Variants in ACVR1 observed in about 807,000 individuals in gnomAD.
The protein encoded by ACVR1 is activin receptor type-1.
A neutral mutation model predicts 57.1 loss-of-function variants in ACVR1; 38 were observed. The ratio of observed to expected loss-of-function variants is 0.67; its 90% CI spans 0.51 to 0.87. ACVR1 has a LOEUF of 0.87. Ranked by LOEUF, ACVR1 falls within the 40% of genes least tolerant of loss-of-function variation. The pLI is 0.00. For missense variants in ACVR1, 463 were observed against 638.2 expected (o/e 0.73, Z 2.96); for synonymous variants, 212 against 228.1 (o/e 0.93, Z 0.63).
intron 9 of ACVR1, among the ~76,000 whole-genome samples, chr2:157,754,846 T>G (rs1413318534): frequency 1.3e-5 from 2 of 152,048 alleles, no homozygotes; most frequent in Non-Finnish European, 2.9e-5. Flanking sequence ...TGAACATAGA[T>G]GCAAACATCC....
chr2:157,780,761 C>T (rs1363473808), intron 3 of ACVR1, among the ~76,000 whole-genome samples, 161 bp from the exon 4 acceptor site: 1 of 152,162 alleles, frequency 6.6e-6, no homozygotes, highest in Non-Finnish European at 1.5e-5. Flanking sequence ...CACCTTGTCA[C>T]CTAACCAACC....
intron 6 of ACVR1, among the ~76,000 whole-genome samples, chr2:157,772,245 T>C (rs549317450): frequency 7.1e-4 from 108 of 152,338 alleles, no homozygotes; most frequent in Non-Finnish European, 1.0e-3. Flanking sequence ...CCAAAAGCCC[T>C]GGCCATGGAG....
At chr2:157,856,098 T>A (rs1217187533) in intron 1 of ACVR1, among the ~76,000 whole-genome samples, 1 of 152,114 alleles carries the variant, frequency 6.6e-6, no homozygotes, top group Non-Finnish European at 1.5e-5. Flanking sequence ...GACAAGACTC[T>A]ACGAGACAGA....
chr2:157,792,728 G>T (rs528917460), intron 3 of ACVR1, among the ~76,000 whole-genome samples: 8 of 152,168 alleles, frequency 5.3e-5, no homozygotes, highest in Non-Finnish European at 1.2e-4. Context: ...AATTTAAAAA[G>T]ACAAGAAATA....
chr2:157,742,993 T>C (rs1474352979), intron 9 of ACVR1, among the ~76,000 whole-genome samples: 2 of 152,112 alleles, frequency 1.3e-5, no homozygotes, highest in Non-Finnish European at 2.9e-5. Flanking sequence ...GTGCCGTCCA[T>C]GGGAGCCCAC....
intron 9 of ACVR1, among the ~76,000 whole-genome samples, chr2:157,742,183 A>G (rs1461889047): frequency 6.6e-6 from 1 of 152,234 alleles, no homozygotes; most frequent in Non-Finnish European, 1.5e-5. Flanking sequence ...CCAGAAAGCG[A>G]TAATCAGCGT....
intron 3 of ACVR1, among the ~76,000 whole-genome samples, chr2:157,793,731 A>T (rs1304308363): frequency 6.6e-6 from 1 of 152,176 alleles, no homozygotes; most frequent in Non-Finnish European, 1.5e-5. Flanking sequence ...CCATTCATTC[A>T]CCCCTTCAAG....
intron 3 of ACVR1, among the ~76,000 whole-genome samples, chr2:157,790,651 T>C (rs2105294262): frequency 6.6e-6 from 1 of 152,342 alleles, no homozygotes; most frequent in Admixed American, 6.5e-5. Context: ...ACGTTCGCAC[T>C]AAGGCTTTGT....
At chr2:157,872,495 T>TGAA (rs1690143656) in intron 1 of ACVR1, among the ~76,000 whole-genome samples, 1 of 152,160 alleles carries the variant, frequency 6.6e-6, no homozygotes, top group African/African-American at 2.4e-5. Context: ...TACAGCCAGG[T>TGAA]GAAACCTCAC....
chr2:157,872,656 G>C (rs377013204), intron 1 of ACVR1, among the ~76,000 whole-genome samples: 2 of 152,214 alleles, frequency 1.3e-5, no homozygotes, highest in African/African-American at 4.8e-5. Flanking sequence ...CGATCAGCCA[G>C]TAGTTACTGT....
At chr2:157,792,572 A>G (rs577692467) in intron 3 of ACVR1, among the ~76,000 whole-genome samples, 1 of 152,352 alleles carries the variant, frequency 6.6e-6, no homozygotes, top group African/African-American at 2.4e-5. Context: ...CAGTAGGAAC[A>G]CCTGCACAGT....
chr2:157,747,662 G>T (rs555480067), intron 9 of ACVR1, among the ~76,000 whole-genome samples: 1 of 152,180 alleles, frequency 6.6e-6, no homozygotes, highest in East Asian at 1.9e-4. Flanking sequence ...TGTTTTGGGA[G>T]AGTAATAATT....
In ACVR1 at chr2:157,766,174, T is replaced by C; in HGVS notation, c.813A>G (p.Thr271=). The change falls in exon 8 of 11, where the codon ACA becomes ACG. Residue 271 remains threonine, a synonymous_variant. Transcript: ENST00000434821. The stretch of plus-strand genomic sequence containing the variant: ...ACAGCTGGGTACTGGAGTGTCTTGA[T>C]GTCATGTCTGAAGCAATGAAACCTG... ...NILGFIASDM[T]SRHSSTQLWL... 1.2e-6 allele frequency: 2 copies of C among 1,614,170 alleles called. No homozygotes were observed. Among genetic ancestry groups the C allele is most frequent in the East Asian group, 2.2e-5 (1 of 44,870 alleles).
intron 3 of ACVR1, among the ~76,000 whole-genome samples, chr2:157,791,637 G>A (rs1278723678): frequency 1.3e-5 from 2 of 152,160 alleles, no homozygotes; most frequent in African/African-American, 4.8e-5. Flanking sequence ...CAAGCACAGA[G>A]AGGCGAAGGA....
At chr2:157,768,988 G>A (rs1001924316) in intron 7 of ACVR1, among the ~76,000 whole-genome samples, 6 of 152,214 alleles carry the variant, frequency 3.9e-5, no homozygotes, top group East Asian at 1.9e-4. Flanking sequence ...TGTGGTAAGA[G>A]TTAGAGCAGA....
chr2:157,754,105 A>C (rs1685322137), intron 9 of ACVR1, among the ~76,000 whole-genome samples: 1 of 152,216 alleles, frequency 6.6e-6, no homozygotes, highest in Non-Finnish European at 1.5e-5. Context: ...GAATACAGCA[A>C]AGGTAGTGCT....
intron 1 of ACVR1, among the ~76,000 whole-genome samples, chr2:157,843,852 C>G (rs1191896560): frequency 6.6e-6 from 1 of 152,108 alleles, no homozygotes; most frequent in Non-Finnish European, 1.5e-5. Flanking sequence ...GGCTGAAAAT[C>G]AGTCACCTTC....
At chr2:157,868,199 C>T (rs1183176377) in intron 1 of ACVR1, among the ~76,000 whole-genome samples, 1 of 151,986 alleles carries the variant, frequency 6.6e-6, no homozygotes, top group Admixed American at 6.6e-5. Context: ...AAAATATGTG[C>T]AACTGCCAGG....
intron 1 of ACVR1, among the ~76,000 whole-genome samples, chr2:157,857,777 G>A (rs960000071): frequency 6.6e-6 from 1 of 152,176 alleles, no homozygotes; most frequent in Non-Finnish European, 1.5e-5. Context: ...AATTGAGATT[G>A]TTGTGTCTAG....
Sources: gnomAD v4.1 joint callset for allele counts (sites outside exome capture counted in the v4.1 genomes callset) on GRCh38, gnomAD v4.1.1 for gene constraint, MANE v1.5 for transcripts, NCBI Gene and HGNC (gene_info 2026-07-23, HGNC 2026-07-21) for gene names.